The following DOCK4 variants were observed in gnomAD, a reference collection of about 807,000 sequenced individuals.
The protein encoded by DOCK4 is dedicator of cytokinesis protein 4.
Under a neutral mutation model 268.1 loss-of-function variants are expected in DOCK4, and 97 were observed. The observed-to-expected ratio is 0.36, with a 90% CI of 0.31 to 0.43. DOCK4 has a LOEUF of 0.43. Among genes scored for constraint, DOCK4 ranks in the 20% least tolerant of loss-of-function variants. The pLI is 1.00. For missense variants in DOCK4, 2,145 were observed against 2,455.7 expected (o/e 0.87, Z 2.67); for synonymous variants, 954 against 887.2 (o/e 1.08, Z -1.34).
chr7:112,197,045 C>T (rs765527798), intron 1 of DOCK4, among the ~76,000 whole-genome samples: 3 of 152,094 alleles, frequency 2.0e-5, no homozygotes, highest in Non-Finnish European at 4.4e-5. Context: ...TTCCACCTGC[C>T]TTAGGGAAAT....
intron 1 of DOCK4, among the ~76,000 whole-genome samples, chr7:112,009,252 G>A (rs1250413366): frequency 1.3e-5 from 2 of 152,132 alleles, no homozygotes; most frequent in Admixed American, 1.3e-4. Context: ...TCTCTCTTCA[G>A]GCCAGATTTT....
chr7:112,174,010 TTCCCCACCTCCCCACC>T (rs201021315), intron 1 of DOCK4, among the ~76,000 whole-genome samples: 85 of 150,728 alleles, frequency 5.6e-4, no homozygotes, highest in Middle Eastern at 3.4e-3. Context: ...CTCATTGCCT[TTCCCCACCTCCCCACC>T]TCCCCACCTC....
At chr7:111,777,821 CTT>C (rs112111203) in intron 36 of DOCK4, among the ~76,000 whole-genome samples, 7 of 152,326 alleles carry the variant, frequency 4.6e-5, no homozygotes, top group African/African-American at 1.4e-4. Flanking sequence ...CAAACTCTCT[CTT>C]GTCTGCCGCC....
At chr7:112,033,863 A>T (rs1803498751) in intron 1 of DOCK4, among the ~76,000 whole-genome samples, 1 of 152,192 alleles carries the variant, frequency 6.6e-6, no homozygotes, top group African/African-American at 2.4e-5. Flanking sequence ...CCACATCATC[A>T]TTAATGTTTC....
rs76063893 is a variant in DOCK4 at position 111,970,129 on chromosome 7, C to A, written c.701+7003G>T. ...CACTCTAGTTTCCTAAAACTACAAA[C>A]CCTCGACAGACCCCTTATGACACAC... is the stretch of plus-strand genomic sequence containing the variant. On this transcript the variant is annotated intron_variant, in intron 8 of 52. Coordinates refer to ENST00000428084, the MANE Select transcript of DOCK4 (RefSeq NM_001363540.2). 2.9e-3 allele frequency among the ~76,000 whole-genome samples: 436 copies of A among 152,234 alleles called. 3 individuals are homozygous for A. The highest frequency in any genetic ancestry group is 0.01 in the African/African-American group (421 of 41,542).
At chr7:112,103,922 T>C (rs961487828) in intron 1 of DOCK4, among the ~76,000 whole-genome samples, 9 of 152,138 alleles carry the variant, frequency 5.9e-5, no homozygotes, top group Non-Finnish European at 1.0e-4. Flanking sequence ...ATGAGTGTTC[T>C]TTAATAAGAA....
At chr7:112,052,036 T>C (rs1005833192) in intron 1 of DOCK4, among the ~76,000 whole-genome samples, 4 of 152,174 alleles carry the variant, frequency 2.6e-5, no homozygotes, top group Admixed American at 6.6e-5. Flanking sequence ...TAAAATGGTA[T>C]AGTATTTGCA....
chr7:111,955,551 A>G (rs1227529451), intron 8 of DOCK4, among the ~76,000 whole-genome samples: 1 of 152,224 alleles, frequency 6.6e-6, no homozygotes, highest in African/African-American at 2.4e-5. Context: ...ATTCTTTCTT[A>G]CTAGTCAGGA....
intron 1 of DOCK4, among the ~76,000 whole-genome samples, chr7:112,077,498 A>C (rs1325331960): frequency 6.6e-6 from 1 of 152,136 alleles, no homozygotes; most frequent in Admixed American, 6.5e-5. Flanking sequence ...ATTACGCATC[A>C]TTTCTACAGT....
chr7:111,806,890 C>A (rs58011096), intron 30 of DOCK4, among the ~76,000 whole-genome samples: 1 of 151,974 alleles, frequency 6.6e-6, no homozygotes, highest in Non-Finnish European at 1.5e-5. Context: ...AACAGAGAAG[C>A]AATTTAACAT....
chr7:111,871,035 G>A (rs761589465), intron 20 of DOCK4, among the ~76,000 whole-genome samples: 5 of 152,192 alleles, frequency 3.3e-5, no homozygotes, highest in South Asian at 2.1e-4. Context: ...TGTTGGAGAC[G>A]TCGATCTTAA....
intron 11 of DOCK4, among the ~76,000 whole-genome samples, chr7:111,939,438 C>T (rs1440514340): frequency 6.6e-6 from 1 of 151,100 alleles, no homozygotes; most frequent in Non-Finnish European, 1.5e-5. Flanking sequence ...TGGCGTGAAC[C>T]CGGGAGGCGG....
chr7:111,808,999 CA>C, intron 29 of DOCK4, 120 bp from the exon 30 acceptor site: 7 of 1,088,750 alleles, frequency 6.4e-6, no homozygotes, highest in Non-Finnish European at 9.4e-6. Flanking sequence ...TAATTAAAGA[CA>C]TTTAATATAC....
At chr7:111,898,588 T>G (rs1790867872) in intron 15 of DOCK4, among the ~76,000 whole-genome samples, 1 of 152,230 alleles carries the variant, frequency 6.6e-6, no homozygotes, top group Admixed American at 6.5e-5. Context: ...AGTAAAATGC[T>G]TGGCATATAG....
chr7:111,990,342 C>G (rs1562967022), intron 5 of DOCK4, among the ~76,000 whole-genome samples: 1 of 152,084 alleles, frequency 6.6e-6, no homozygotes. Flanking sequence ...CTTTCTTAAC[C>G]AGCAGCTATG....
rs1794692923 is a variant in DOCK4 at position 111,935,747 on chromosome 7, TCAACCTGCTG to T, written c.978-129_978-120del. 6.0e-5 allele frequency: 48 copies of T among 800,330 alleles called. No individual in the cohort carries two copies. The East Asian group carries it at 1.2e-3, about 21-fold the overall frequency. 49.6% of individuals were successfully genotyped at this position (800,330 alleles called of 1,614,324 possible). A position where few individuals can be genotyped will look rare whatever the true frequency, so the allele number is the denominator to read the frequency against. ...ATAATGTACCTCCTTGAGGTCCCCA[TCAACCTGCTG>T]CAACTGACTGTCAGTTTTAGCATGG... On this transcript the variant is annotated intron_variant, in intron 11 of 52. Coordinates refer to ENST00000428084, the MANE Select transcript of DOCK4 (RefSeq NM_001363540.2).
chr7:112,070,019 A>G (rs1432822497), intron 1 of DOCK4, among the ~76,000 whole-genome samples: 4 of 152,262 alleles, frequency 2.6e-5, no homozygotes, highest in South Asian at 2.1e-4. Context: ...TTAGCCAGAA[A>G]ACAATGGTGA....
At chr7:111,766,191 T>C (rs930537967) in intron 38 of DOCK4, among the ~76,000 whole-genome samples, 33 of 152,230 alleles carry the variant, frequency 2.2e-4, no homozygotes, top group African/African-American at 7.7e-4. Flanking sequence ...GATGAACTGC[T>C]GACATGAAAT....
intron 1 of DOCK4, among the ~76,000 whole-genome samples, chr7:112,092,078 C>T (rs1236815486): frequency 6.6e-6 from 1 of 152,160 alleles, no homozygotes; most frequent in Non-Finnish European, 1.5e-5. Context: ...CCCAGGACCA[C>T]TTTCTCAATA....
Sources: gnomAD v4.1 joint callset for allele counts (sites outside exome capture counted in the v4.1 genomes callset) on GRCh38, gnomAD v4.1.1 for gene constraint, MANE v1.5 for transcripts, NCBI Gene and HGNC (gene_info 2026-07-23, HGNC 2026-07-21) for gene names.